Variants in MORC1 observed in about 807,000 individuals in gnomAD.
The protein encoded by MORC1 is MORC family CW-type zinc finger protein 1.
MORC1 carries 59 observed loss-of-function variants against 134.9 expected under a neutral mutation model. That is an observed-to-expected ratio of 0.44 (90% CI 0.35 to 0.54). The LOEUF (loss-of-function observed/expected upper bound fraction) is 0.54. Ranked by LOEUF, MORC1 falls within the 20% of genes least tolerant of loss-of-function variation. The pLI, the probability that MORC1 is intolerant of heterozygous loss-of-function variation, is 0.00. For missense variants in MORC1, 947 were observed against 1,134.5 expected (o/e 0.83, Z 2.37); for synonymous variants, 395 against 391.7 (o/e 1.01, Z -0.10).
At chr3:109,057,256 A>G (rs1949982125) in intron 13 of MORC1, 87 bp downstream of exon 13, 1 of 1,368,748 alleles carries the variant, frequency 7.3e-7, no homozygotes, top group Non-Finnish European at 9.9e-7. Flanking sequence ...TCCCATTGTG[A>G]TTAGTCACTC....
intron 26 of MORC1, among the ~76,000 whole-genome samples, chr3:108,966,123 G>A (rs1482711445): frequency 6.6e-6 from 1 of 152,096 alleles, no homozygotes; most frequent in African/African-American, 2.4e-5. Context: ...ATTAAGGTGA[G>A]AAAATAATTG....
chr3:109,026,061 C>T (rs1350224451), intron 17 of MORC1, among the ~76,000 whole-genome samples: 2 of 152,128 alleles, frequency 1.3e-5, no homozygotes, highest in African/African-American at 4.8e-5. Flanking sequence ...TCAATGATCA[C>T]CTCAAAATTA....
At chr3:109,054,697 G>C (rs1949914970) in intron 14 of MORC1, 31 bp downstream of exon 14, 1 of 1,463,826 alleles carries the variant, frequency 6.8e-7, no homozygotes, top group Non-Finnish European at 9.0e-7. Flanking sequence ...CCCTCTGTAA[G>C]TATCTCCTAC....
Position 109,118,070 on chromosome 3 carries a change from AC to A in MORC1, c.-12del, listed in dbSNP as rs761302160. ...GTACCTGTCGTCCATGCCCTCGAAC[AC>A]GACCCGCGCAACTCAAGGGGACAAG... On this transcript the variant is annotated 5_prime_UTR_variant, in exon 1 of 28. Transcript: ENST00000232603. 9 of 1,605,196 alleles carry A rather than the reference AC, an allele frequency of 5.6e-6. No homozygotes were observed. The highest frequency in any genetic ancestry group is 7.7e-6 in the Non-Finnish European group (9 of 1,176,134).
At chr3:109,094,664 C>T (rs1011817971) in intron 7 of MORC1, among the ~76,000 whole-genome samples, 8 of 152,084 alleles carry the variant, frequency 5.3e-5, no homozygotes, top group African/African-American at 1.9e-4. Context: ...CTGTATCATC[C>T]TCTTCTTACC....
intron 11 of MORC1, among the ~76,000 whole-genome samples, chr3:109,061,655 T>C (rs1950086291): frequency 6.6e-6 from 1 of 152,212 alleles, no homozygotes; most frequent in Non-Finnish European, 1.5e-5. Context: ...TAGTTTTTTC[T>C]TCTGCTGGCT....
chr3:108,970,143 C>T (rs1192353745), intron 25 of MORC1, among the ~76,000 whole-genome samples: 4 of 151,824 alleles, frequency 2.6e-5, no homozygotes, highest in Admixed American at 6.6e-5. Flanking sequence ...AGAAATTAGA[C>T]GAGGTTACCT....
chr3:109,054,049 C>T (rs527586333), intron 14 of MORC1, among the ~76,000 whole-genome samples: 145 of 151,668 alleles, frequency 9.6e-4, no homozygotes, highest in African/African-American at 3.4e-3. Context: ...TTTGGGAGGC[C>T]GAGGAGGGTG....
At chr3:109,095,421 A>G (rs907894892) in intron 6 of MORC1, among the ~76,000 whole-genome samples, 1 of 152,214 alleles carries the variant, frequency 6.6e-6, no homozygotes, top group African/African-American at 2.4e-5. Flanking sequence ...AAGCAGAGCC[A>G]GCCTGACTTG....
chr3:109,076,009 T>C (rs1358342331), intron 8 of MORC1, among the ~76,000 whole-genome samples: 2 of 152,116 alleles, frequency 1.3e-5, no homozygotes, highest in Admixed American at 6.6e-5. Flanking sequence ...AAAGAGTTTC[T>C]GCACAGCAAA....
At chr3:109,097,449 T>C (rs2107771583) in intron 6 of MORC1, among the ~76,000 whole-genome samples, 1 of 152,298 alleles carries the variant, frequency 6.6e-6, no homozygotes, top group East Asian at 1.9e-4. Flanking sequence ...GAGAACATGC[T>C]GTACCAAGGA....
intron 26 of MORC1, among the ~76,000 whole-genome samples, chr3:108,964,843 C>T (rs1947174662): frequency 6.6e-6 from 1 of 152,148 alleles, no homozygotes; most frequent in African/African-American, 2.4e-5. Flanking sequence ...TAATGCAGCA[C>T]TCACAGCAAG....
At chr3:109,111,050 T>TAAAAAAAA (rs11344763) in intron 2 of MORC1, among the ~76,000 whole-genome samples, 10 of 113,868 alleles carry the variant, frequency 8.8e-5, no homozygotes, top group South Asian at 3.0e-4. Flanking sequence ...GGATATAATT[T>TAAAAAAAA]AAAAAAAAAA....
chr3:109,101,987 A>G (rs1024983501), intron 4 of MORC1, among the ~76,000 whole-genome samples: 1 of 152,226 alleles, frequency 6.6e-6, no homozygotes, highest in Non-Finnish European at 1.5e-5. Flanking sequence ...ATGGGAATAA[A>G]CCACTGAACA....
chr3:109,086,652 A>G (rs1950621503), intron 8 of MORC1, among the ~76,000 whole-genome samples: 1 of 152,074 alleles, frequency 6.6e-6, no homozygotes, highest in African/African-American at 2.4e-5. Context: ...CAATTTAAGT[A>G]TAAAGACTGA....
At chr3:108,962,466 G>A (rs1390567794) in intron 27 of MORC1, among the ~76,000 whole-genome samples, 1 of 152,088 alleles carries the variant, frequency 6.6e-6, no homozygotes. Flanking sequence ...TATGTATGGC[G>A]AGTTTCTTGT....
rs558292891 is a variant in MORC1, at chr3:109,082,915, C to T, written c.689+10521G>A. On this transcript the variant is annotated intron_variant, in intron 8 of 27. Transcript: ENST00000232603. ...CCAAACTTGAGAAAGAGACCAATAT[C>T]CAGGTATGGAAGCTCAGAAAATACC... 6.6e-5 allele frequency among the ~76,000 whole-genome samples: 10 copies of T among 152,116 alleles called. No homozygotes were observed. In the South Asian group the frequency reaches 2.1e-3, roughly 32 times the overall value.
intron 16 of MORC1, among the ~76,000 whole-genome samples, chr3:109,029,933 T>C (rs1236316778): frequency 6.6e-6 from 1 of 152,184 alleles, no homozygotes; most frequent in African/African-American, 2.4e-5. Flanking sequence ...TCACTAATCC[T>C]TTCTTAGCCT....
intron 14 of MORC1, among the ~76,000 whole-genome samples, chr3:109,042,478 G>A (rs1397171708): frequency 6.6e-6 from 1 of 152,184 alleles, no homozygotes; most frequent in Non-Finnish European, 1.5e-5. Flanking sequence ...AACACTGGTG[G>A]CAAGAGTATG....
Sources: allele counts gnomAD v4.1 joint callset (sites outside exome capture counted in the v4.1 genomes callset), GRCh38; gene constraint gnomAD v4.1.1; transcripts MANE v1.5; gene names NCBI Gene and HGNC (gene_info 2026-07-23, HGNC 2026-07-21).